Variants in NRG4 observed in about 807,000 individuals in gnomAD.
NRG4 encodes the protein pro-neuregulin-4, membrane-bound isoform.
In NRG4, 10 loss-of-function variants were observed where a neutral mutation model predicts 15.0. The observed-to-expected ratio is 0.67, with a 90% confidence interval of 0.41 to 1.13. NRG4 has a LOEUF of 1.13. Among genes scored for constraint, NRG4 ranks in the 50% most tolerant of loss-of-function variants. NRG4 has a pLI of 0.00. For synonymous variants in NRG4, 41 were observed against 50.1 expected (o/e 0.82, Z 0.77); for missense variants, 139 against 140.2 (o/e 0.99, Z 0.04).
intron 3 of NRG4, among the ~76,000 whole-genome samples, chr15:75,974,741 T>G (rs2033287512): frequency 1.3e-5 from 2 of 152,214 alleles, no homozygotes; most frequent in Admixed American, 1.3e-4. Flanking sequence ...ATTTTCATTC[T>G]TTTGCATTTG....
At chr15:75,959,461 G>A (rs1201654620) in intron 4 of NRG4, among the ~76,000 whole-genome samples, 8 of 151,304 alleles carry the variant, frequency 5.3e-5, no homozygotes, top group African/African-American at 1.9e-4. Context: ...GTAAATATAT[G>A]TAAATAAATA....
intron 3 of NRG4, among the ~76,000 whole-genome samples, chr15:75,967,456 ATTTTTTT>A (rs71140189): frequency 1.0e-5 from 1 of 100,178 alleles, no homozygotes; most frequent in African/African-American, 3.6e-5. Flanking sequence ...AAAATCTTAG[ATTTTTTT>A]TTTTTTTTTT....
chr15:76,058,369 G>C (rs2036204953), intron 1 of NRG4, among the ~76,000 whole-genome samples: 1 of 152,164 alleles, frequency 6.6e-6, no homozygotes, highest in South Asian at 2.1e-4. Flanking sequence ...AGAGATTAGA[G>C]ATGAGTAGGA....
chr15:75,989,943 G>C (rs1206728281), intron 3 of NRG4, among the ~76,000 whole-genome samples: 1 of 152,132 alleles, frequency 6.6e-6, no homozygotes, highest in African/African-American at 2.4e-5. Flanking sequence ...TTAAGGCTTG[G>C]TTTTAAGCTT....
In NRG4 at chr15:76,034,088, A is replaced by T. The variant is rs114116967; in HGVS notation, c.-57+1856T>A. 6.1e-3 allele frequency among the ~76,000 whole-genome samples: 930 copies of T among 152,306 alleles called. 9 individuals are homozygous for T. Among genetic ancestry groups the T allele is most frequent in the African/African-American group, 0.021 (859 of 41,550 alleles). ...AAAGACAACCCTACTGTCTCATCCA[A>T]TTACTGCAAACAGCTTTAAACAGAA... On this transcript the variant is annotated intron_variant, in intron 5 of 8. Coordinates refer to the NRG4 transcript ENST00000563910.
At chr15:76,046,536 G>A (rs971059374) in intron 4 of NRG4, among the ~76,000 whole-genome samples, 6 of 151,208 alleles carry the variant, frequency 4.0e-5, no homozygotes, top group African/African-American at 1.5e-4. Flanking sequence ...GGAGAATCCA[G>A]ATGTAAATCC....
intron 4 of NRG4, among the ~76,000 whole-genome samples, chr15:76,049,050 GA>G (rs796558649): frequency 3.4e-5 from 5 of 145,920 alleles, no homozygotes; most frequent in South Asian, 2.2e-4. Flanking sequence ...TCACATAAAA[GA>G]AAAAAAAAAT....
intron 3 of NRG4, among the ~76,000 whole-genome samples, chr15:75,995,242 G>T (rs867940722): frequency 6.6e-6 from 1 of 151,922 alleles, no homozygotes; most frequent in Non-Finnish European, 1.5e-5. Context: ...AGTTTATCTT[G>T]GCTCATGCTT....
intron 4 of NRG4, among the ~76,000 whole-genome samples, chr15:75,961,360 T>C (rs1216681778): frequency 6.6e-6 from 1 of 152,162 alleles, no homozygotes; most frequent in Non-Finnish European, 1.5e-5. Flanking sequence ...TTGATTTAAG[T>C]ATCTTTGAAG....
intron 2 of NRG4, among the ~76,000 whole-genome samples, chr15:76,054,565 C>A (rs1007895014): frequency 6.6e-6 from 1 of 152,188 alleles, no homozygotes; most frequent in Non-Finnish European, 1.5e-5. Context: ...CAGGCGCCCA[C>A]CACCACGCTC....
chr15:76,021,470 A>G (rs181616529), intron 5 of NRG4, among the ~76,000 whole-genome samples: 1 of 152,350 alleles, frequency 6.6e-6, no homozygotes, highest in African/African-American at 2.4e-5. Context: ...CTTTATTGTG[A>G]TATTTGCTTT....
At chr15:75,995,905 A>G (rs2034197439) in intron 3 of NRG4, among the ~76,000 whole-genome samples, 1 of 152,216 alleles carries the variant, frequency 6.6e-6, no homozygotes, top group African/African-American at 2.4e-5. Flanking sequence ...AGAAGACTTC[A>G]TGCATTACAG....
chr15:75,981,117 C>A (rs2033591429), intron 3 of NRG4, among the ~76,000 whole-genome samples: 1 of 152,196 alleles, frequency 6.6e-6, no homozygotes, highest in Admixed American at 6.5e-5. Context: ...CTTTGAAACT[C>A]AGTGGCCCTA....
At position 76,009,288 on chromosome 15, in the gene NRG4, C is replaced by T. The variant is rs757305934; in HGVS notation, c.16G>A (p.Glu6Lys). 29 of 1,562,180 alleles carry T rather than the reference C, an allele frequency of 1.9e-5. No homozygotes were observed. The highest frequency in any genetic ancestry group is 2.3e-5 in the East Asian group (1 of 44,120). MPTDHEEPCGPSHKSF... is the reference protein window; with the variant it reads MPTDHKEPCGPSHKSF... ...TTGTGACTGGGACCACAGGGCTCTT[C>T]GTGATCTAGAACACATACATATATA... is the stretch of plus-strand genomic sequence containing the variant. Residue 6 changes from glutamate (E) to lysine (K), a missense_variant, in exon 3 of 6, where the codon GAA becomes AAA. Coordinates refer to ENST00000394907, the MANE Select transcript of NRG4 (RefSeq NM_138573.4).
chr15:76,009,206 A>G lies in NRG4; in HGVS notation c.98T>C (p.Phe33Ser), dbSNP rs1046461842. 6.5e-6 allele frequency: 10 copies of G among 1,543,608 alleles called. No individual in the cohort carries two copies. Among genetic ancestry groups the G allele is most frequent in the Non-Finnish European group, 9.0e-6 (10 of 1,115,926 alleles). Residue 33 changes from phenylalanine (F) to serine (S), a missense_variant, in exon 3 of 6, where the codon TTT (phenylalanine) becomes TCT (serine). Transcript: ENST00000394907. The part of the protein sequence containing the change: ...CYVIPTIPSP[F>S]CRCVENYTGA... ...CCTAGTCCATTTCACTCACCTACAAAATGGGCTGGGAATAGTAGGTATCAC... is the reference window on the plus strand; with the variant it reads ...CCTAGTCCATTTCACTCACCTACAAGATGGGCTGGGAATAGTAGGTATCAC...
chr15:75,986,655 T>C (rs1186137415), intron 3 of NRG4, among the ~76,000 whole-genome samples: 1 of 152,154 alleles, frequency 6.6e-6, no homozygotes, highest in Non-Finnish European at 1.5e-5. Context: ...CTATAAACCT[T>C]TTATTATGAC....
intron 4 of NRG4, among the ~76,000 whole-genome samples, chr15:76,037,005 A>C (rs751183430): frequency 6.6e-6 from 1 of 152,330 alleles, no homozygotes; most frequent in Non-Finnish European, 1.5e-5. Flanking sequence ...CTCCACCAAA[A>C]AAAAACTGTT....
intron 4 of NRG4, among the ~76,000 whole-genome samples, chr15:75,960,599 C>T (rs971611978): frequency 1.3e-5 from 2 of 152,158 alleles, no homozygotes; most frequent in Non-Finnish European, 2.9e-5. Flanking sequence ...GCTGGTTCTT[C>T]CTGCTGTTTA....
At chr15:76,003,708 A>G (rs1238833722) in intron 3 of NRG4, among the ~76,000 whole-genome samples, 1 of 152,174 alleles carries the variant, frequency 6.6e-6, no homozygotes, top group Non-Finnish European at 1.5e-5. Flanking sequence ...CTCACAGAGA[A>G]GGGATCCTCA....
Sources: allele counts gnomAD v4.1 joint callset (sites outside exome capture counted in the v4.1 genomes callset), GRCh38; gene constraint gnomAD v4.1.1; transcripts MANE v1.5; gene names NCBI Gene and HGNC (gene_info 2026-07-23, HGNC 2026-07-21).